The following GLUL variants were observed in gnomAD, a reference collection of about 807,000 sequenced individuals.
The protein encoded by GLUL is glutamate-ammonia ligase, also known as glutamine synthetase.
Under a neutral mutation model 36.9 loss-of-function variants are expected in GLUL, and 8 were observed. That is an observed-to-expected ratio of 0.22 (90% confidence interval 0.13 to 0.39). GLUL has a LOEUF of 0.39. GLUL is among the 10% of genes least tolerant of loss of function. The pLI is 1.00. For synonymous variants in GLUL, 182 were observed against 172.8 expected (o/e 1.05, Z -0.42); for missense variants, 315 against 501.8 (o/e 0.63, Z 3.56).
In GLUL at chr1:182,380,109, A is replaced by C. The variant is rs1330250615; in HGVS notation, c.*4296T>G. ...GTGATCCACCTGCCTCGGCCTCTCA[A>C]GGTGCTGGGATTATAGGCATGAGCC... On this transcript the variant is annotated 3_prime_UTR_variant, in exon 7 of 7. Transcript: ENST00000331872. Among the ~76,000 whole-genome samples the C allele has an allele frequency of 6.6e-6, 1 of 152,086 alleles. No homozygotes were observed. The highest frequency in any genetic ancestry group is 2.4e-5 in the African/African-American group (1 of 41,394).
In GLUL at chr1:182,384,507, A is replaced by T. The variant is rs1558157097; in HGVS notation, c.1020T>A (p.Arg340=). ...AGGGGTCGCAGTTGGCAGAGGGGCG[A>T]CGATCTTCAAAGTAACCCTTCTTCT... ...GQEKKGYFED[R]RPSANCDPFS... The change falls in exon 7 of 7, where the codon CGT becomes CGA. Residue 340 remains arginine (R), a synonymous_variant. Coordinates refer to ENST00000331872, the MANE Select transcript of GLUL (RefSeq NM_001033044.4). The T allele has an allele frequency of 2.5e-6, 4 of 1,614,052 alleles. No homozygotes were observed. The highest frequency in any genetic ancestry group is 3.3e-4 in the Middle Eastern group (2 of 6,058).
At chr1:182,391,038 G>T in intron 1 of GLUL, 1 of 397,246 alleles carries the variant, frequency 2.5e-6, no homozygotes, top group South Asian at 1.3e-4. Context: ...AGGCCGTAGG[G>T]ACTGCGCGCT....
chr1:182,378,689 T>C lies in GLUL; in HGVS notation c.*5716A>G, dbSNP rs1206795984. Among the ~76,000 whole-genome samples the C allele has an allele frequency of 6.6e-6, 1 of 152,244 alleles. No individual in the cohort carries two copies. The highest frequency in any genetic ancestry group is 1.9e-4 in the East Asian group (1 of 5,206). On this transcript the variant is annotated 3_prime_UTR_variant, in exon 7 of 7. Coordinates refer to ENST00000331872, the MANE Select transcript of GLUL (RefSeq NM_001033044.4). Reference sequence around the variant, plus strand: ...TATTGTGCTTGTATTGTGTATCTAATGTGTACATATATGCATATTCTCACA... The same window carrying C: ...TATTGTGCTTGTATTGTGTATCTAACGTGTACATATATGCATATTCTCACA...
chr1:182,388,526 T>G, intron 2 of GLUL, 46 bp downstream of exon 2: 1 of 1,555,522 alleles, frequency 6.4e-7, no homozygotes, highest in Non-Finnish European at 8.9e-7. Flanking sequence ...CCCACCCCTC[T>G]GCAGATCCCA....
At position 182,384,346 on chromosome 1, in the gene GLUL, G is replaced by T; in HGVS notation, c.*59C>A. 3 of 1,153,440 alleles carry T rather than the reference G, an allele frequency of 2.6e-6. No individual in the cohort carries two copies. In the South Asian group the frequency reaches 3.8e-5, roughly 15 times the overall value. 71.5% of individuals were successfully genotyped at this position (1,153,440 alleles called of 1,614,324 possible). On this transcript the variant is annotated 3_prime_UTR_variant, in exon 7 of 7. Transcript: ENST00000331872. Reference sequence around the variant, plus strand: ...ACAATCGGGACAACTGGGAGAGGGGGAAGAGTTGGAGTGGGATGAAGAACT... The same window carrying T: ...ACAATCGGGACAACTGGGAGAGGGGTAAGAGTTGGAGTGGGATGAAGAACT...
intron 1 of GLUL, 52 bp from the exon 2 acceptor site, chr1:182,388,802 C>T (rs995665149): frequency 2.8e-6 from 4 of 1,433,970 alleles, no homozygotes; most frequent in Non-Finnish European, 2.9e-6. Context: ...AAACTGATCC[C>T]CTGCAAAAAT....
At chr1:182,384,755 C>G in intron 6 of GLUL, 32 bp from the exon 7 acceptor site, 1 of 1,548,112 alleles carries the variant, frequency 6.5e-7, no homozygotes, top group Non-Finnish European at 8.9e-7. Context: ...GCAGTCCAAC[C>G]TTGTCTCCAG....
rs765196603 is a variant in GLUL, at chr1:182,384,516, A to C, written c.1011T>G (p.Phe337Leu). 17 of 1,613,998 alleles carry C rather than the reference A, an allele frequency of 1.1e-5. No individual in the cohort carries two copies. In the East Asian group the frequency reaches 3.8e-4, roughly 36 times the overall value. The change falls in exon 7 of 7, where the codon TTT becomes TTG. Residue 337 changes from phenylalanine (F) to leucine (L), a missense_variant. Around this residue, in one of 3 missense-constraint regions of GLUL, gnomAD observed 58 missense variants for 89.5 expected, o/e 0.65. Coordinates refer to ENST00000331872, the MANE Select transcript of GLUL (RefSeq NM_001033044.4). Reference sequence around the variant, plus strand: ...AGTTGGCAGAGGGGCGACGATCTTCAAAGTAACCCTTCTTCTCCTGGCCAA... The same window carrying C: ...AGTTGGCAGAGGGGCGACGATCTTCCAAGTAACCCTTCTTCTCCTGGCCAA... ...RTVGQEKKGYFEDRRPSANCD... is the reference protein window; with the variant it reads ...RTVGQEKKGYLEDRRPSANCD...
chr1:182,385,785 G>C lies in GLUL; in HGVS notation c.578C>G (p.Thr193Ser). ...CTGGGCAGGCATGACCTCGGCATTAGTCCCCGCAATCTTGACTCCAGCATA... is the reference window on the plus strand; with the variant it reads ...CTGGGCAGGCATGACCTCGGCATTACTCCCCGCAATCTTGACTCCAGCATA... ...CLYAGVKIAG[T>S]NAEVMPAQWE... The change falls in exon 5 of 7, where the codon ACT becomes AGT. Residue 193 changes from threonine to serine, a missense_variant. By Grantham distance (58) the Thr-to-Ser change is moderately conservative (BLOSUM62 1). Coordinates refer to ENST00000331872, the MANE Select transcript of GLUL (RefSeq NM_001033044.4). 4 of 1,614,116 alleles carry C rather than the reference G, an allele frequency of 2.5e-6. No individual in the cohort carries two copies. Among genetic ancestry groups the C allele is most frequent in the South Asian group, 2.2e-5 (2 of 91,080 alleles).
rs6676126 is a variant in GLUL at position 182,379,393 on chromosome 1, T to C, written c.*5012A>G. 0.022 allele frequency among the ~76,000 whole-genome samples: 3,281 copies of C among 152,100 alleles called. 131 individuals are homozygous for C. The highest frequency in any genetic ancestry group is 0.074 in the African/African-American group (3,070 of 41,462). On this transcript the variant is annotated 3_prime_UTR_variant, in exon 7 of 7. Coordinates refer to ENST00000331872, the MANE Select transcript of GLUL (RefSeq NM_001033044.4). ...ACCCACCACCACATCTTGCTAATTT[T>C]GGTATTTTTAATAGAGACAAGGTTT... is the stretch of plus-strand genomic sequence containing the variant.
chr1:182,384,769 T>C (rs1650098878), intron 6 of GLUL, 46 bp from the exon 7 acceptor site: 1 of 1,455,120 alleles, frequency 6.9e-7, no homozygotes, highest in Non-Finnish European at 9.7e-7. Flanking sequence ...TCTCCAGGTA[T>C]GGAGCCAAGA....
chr1:182,389,795 G>A (rs1269147205), intron 1 of GLUL: 1 of 152,282 alleles, frequency 6.6e-6, no homozygotes, highest in Non-Finnish European at 1.5e-5. Context: ...GAAGTACAGT[G>A]GCAAAGTTTC....
At chr1:182,390,745 G>A (rs534569561) in intron 1 of GLUL, 2 of 399,146 alleles carry the variant, frequency 5.0e-6, no homozygotes, top group Non-Finnish European at 8.8e-6. Flanking sequence ...AGTAGGCGAC[G>A]AAGCCGAAGC....
chr1:182,390,816 C>T (rs1650381274), intron 1 of GLUL: 1 of 398,830 alleles, frequency 2.5e-6, no homozygotes, highest in African/African-American at 2.1e-5. Flanking sequence ...TCATTCGTTG[C>T]TTTCTTCGTG....
rs773158980 is a variant in GLUL, at chr1:182,386,253, T to C, written c.475+3A>G. 11 of 1,612,552 alleles carry C rather than the reference T, an allele frequency of 6.8e-6. No homozygotes were observed. In the South Asian group the frequency reaches 1.2e-4, roughly 18 times the overall value. On this transcript the variant is annotated splice_donor_region_variant and intron_variant, in intron 4 of 6. Coordinates refer to ENST00000331872, the MANE Select transcript of GLUL (RefSeq NM_001033044.4). Reference sequence around the variant, plus strand: ...ATTTCACCTCTAACCCAAGGAGACTTACCCTGGGGCCCTGGGAAGCCGTTG... The same window carrying C: ...ATTTCACCTCTAACCCAAGGAGACTCACCCTGGGGCCCTGGGAAGCCGTTG...
Position 182,385,576 on chromosome 1 carries a change from C to A in GLUL, c.604-20G>T. ...TTCCCACTAGAAACGAGAAGCTTGG[C>A]CATTAAAACAAAGCTAACTGCTCAC... On this transcript the variant is annotated intron_variant, in intron 5 of 6. Transcript: ENST00000331872. The A allele has an allele frequency of 1.2e-6, 2 of 1,609,060 alleles. No homozygotes were observed. Among genetic ancestry groups the A allele is most frequent in the South Asian group, 1.1e-5 (1 of 90,972 alleles).
intron 1 of GLUL, chr1:182,390,848 CCCCGCTT>C: frequency 2.5e-6 from 1 of 399,194 alleles, no homozygotes; most frequent in Middle Eastern, 6.3e-4. Context: ...GGGGGAGGAT[CCCCGCTT>C]CCCGCCCCCG....
rs753850241 is a variant in GLUL at position 182,384,432 on chromosome 1, G to A, written c.1095C>T (p.Gly365=). Residue 365 remains glycine (G), a synonymous_variant, in exon 7 of 7, where the codon GGC becomes GGT. Transcript: ENST00000331872. The part of the protein sequence containing the change: ...LIRTCLLNET[G]DEPFQYKN ...AATTTTTGTACTGGAAGGGCTCATC[G>A]CCGGTTTCATTGAGAAGACACGTGC... 5.6e-6 allele frequency: 9 copies of A among 1,613,338 alleles called. No individual in the cohort carries two copies. The highest frequency in any genetic ancestry group is 2.7e-5 in the African/African-American group (2 of 74,908).
chr1:182,385,343 C>A lies in GLUL; in HGVS notation c.803+14G>T. ...CACAGGAGATTAAAGATGGCCCCAG[C>A]AGAAGGTACTCACTTCAGACCATTC... On this transcript the variant is annotated intron_variant, in intron 6 of 6. Coordinates refer to ENST00000331872, the MANE Select transcript of GLUL (RefSeq NM_001033044.4). 6.3e-7 allele frequency: 1 copy of A among 1,593,002 alleles called. No homozygotes were observed. Among genetic ancestry groups the A allele is most frequent in the Non-Finnish European group, 8.6e-7 (1 of 1,160,826 alleles).
Sources: gnomAD v4.1 joint callset for allele counts (sites outside exome capture counted in the v4.1 genomes callset) on GRCh38, gnomAD v4.1.1 for gene constraint, gnomAD v4.1.1 regional missense constraint, MANE v1.5 for transcripts, NCBI Gene and HGNC (gene_info 2026-07-23, HGNC 2026-07-21) for gene names.